Variants in NYAP2 observed in about 807,000 individuals in gnomAD.
NYAP2 encodes the protein neuronal tyrosine-phosphorylated phosphoinositide-3-kinase adapter 2.
NYAP2 carries 23 observed loss-of-function variants against 50.4 expected under a neutral mutation model. The ratio of observed to expected loss-of-function variants is 0.46; its 90% CI spans 0.33 to 0.65. The LOEUF is 0.65. Ranked by LOEUF, NYAP2 falls within the 30% of genes least tolerant of loss-of-function variation. The pLI is 0.02. For missense variants in NYAP2, 885 were observed against 861.0 expected (o/e 1.03, Z -0.35); for synonymous variants, 394 against 365.2 (o/e 1.08, Z -0.90).
chr2:225,640,066 A>T (rs1042631864), intron 6 of NYAP2, among the ~76,000 whole-genome samples: 14 of 152,136 alleles, frequency 9.2e-5, no homozygotes, highest in African/African-American at 2.9e-4. Flanking sequence ...CCATTTATGG[A>T]TTTTTAACCC....
chr2:225,513,705 T>A, intron 4 of NYAP2, 33 bp downstream of exon 4: 1 of 1,476,818 alleles, frequency 6.8e-7, no homozygotes. Context: ...CACCTAGAAA[T>A]CTCTTTCAGA....
intron 3 of NYAP2, among the ~76,000 whole-genome samples, chr2:225,430,538 A>G (rs1016254490): frequency 5.3e-5 from 8 of 152,172 alleles, no homozygotes; most frequent in Non-Finnish European, 8.8e-5. Context: ...ACACTGACAA[A>G]GTGCCTGCCA....
the NYAP2 span, among the ~76,000 whole-genome samples, chr2:225,689,544 C>G: frequency 6.6e-6 from 1 of 152,094 alleles, no homozygotes; most frequent in Non-Finnish European, 1.5e-5. Context: ...AAAAGCAACT[C>G]TGAAATCAAG....
chr2:225,667,004 A>G, the NYAP2 span, among the ~76,000 whole-genome samples: 1 of 152,130 alleles, frequency 6.6e-6, no homozygotes, highest in South Asian at 2.1e-4. Flanking sequence ...CACGGTATAT[A>G]GGGTTAAATA....
intron 4 of NYAP2, among the ~76,000 whole-genome samples, chr2:225,528,950 G>A (rs901049900): frequency 1.3e-5 from 2 of 152,168 alleles, no homozygotes; most frequent in Non-Finnish European, 2.9e-5. Flanking sequence ...CAGACGAAGT[G>A]GAGAAAGGGC....
intron 2 of NYAP2, among the ~76,000 whole-genome samples, chr2:225,407,940 A>G (rs1041823184): frequency 5.3e-5 from 8 of 151,970 alleles, no homozygotes; most frequent in African/African-American, 1.4e-4. Context: ...ATATTAGCTA[A>G]TAGTATTATA....
At chr2:225,675,998 TTTTG>T in the NYAP2 span, among the ~76,000 whole-genome samples, 1 of 151,714 alleles carries the variant, frequency 6.6e-6, no homozygotes, top group African/African-American at 2.4e-5. Context: ...GATTTTTTGC[TTTTG>T]TTTTTGTTTT....
chr2:225,504,337 G>T (rs1292302666), intron 3 of NYAP2, among the ~76,000 whole-genome samples: 1 of 152,012 alleles, frequency 6.6e-6, no homozygotes, highest in South Asian at 2.1e-4. Context: ...TCATTCTGAG[G>T]GTTTTGCCCC....
At chr2:225,513,406 G>A (rs1690867899) in exon 4 of NYAP2, 1 of 1,614,026 alleles carries the variant, frequency 6.2e-7, no homozygotes, top group Middle Eastern at 1.6e-4. Flanking sequence ...CACGAAGGAA[G>A]TTACGTGGGC....
At chr2:225,556,822 C>T (rs2106213222) in intron 4 of NYAP2, among the ~76,000 whole-genome samples, 1 of 152,250 alleles carries the variant, frequency 6.6e-6, no homozygotes, top group East Asian at 1.9e-4. Context: ...CATTGACCAG[C>T]TGTATTAGTG....
intron 4 of NYAP2, among the ~76,000 whole-genome samples, chr2:225,551,294 T>C (rs1272369161): frequency 2.0e-5 from 3 of 152,220 alleles, no homozygotes. Context: ...AGAGGCATGA[T>C]AAATACTTGC....
chr2:225,703,036 A>G, the NYAP2 span: 4 of 151,812 alleles, frequency 2.6e-5, no homozygotes, highest in Non-Finnish European at 5.9e-5. Flanking sequence ...TTTATAGTGT[A>G]GCAACTTGTG....
intron 3 of NYAP2, among the ~76,000 whole-genome samples, chr2:225,479,281 A>G (rs1229363624): frequency 1.3e-5 from 2 of 152,196 alleles, no homozygotes; most frequent in Non-Finnish European, 2.9e-5. Flanking sequence ...TATAATTTGC[A>G]TGAGAAATTC....
At chr2:225,466,864 G>C (rs899487924) in intron 3 of NYAP2, among the ~76,000 whole-genome samples, 8 of 152,172 alleles carry the variant, frequency 5.3e-5, no homozygotes, top group African/African-American at 1.9e-4. Flanking sequence ...TTCAGCTGAG[G>C]GGGGCATAAG....
At chr2:225,554,303 T>C (rs986681963) in intron 4 of NYAP2, among the ~76,000 whole-genome samples, 1 of 151,256 alleles carries the variant, frequency 6.6e-6, no homozygotes, top group African/African-American at 2.4e-5. Flanking sequence ...TATAAAACTG[T>C]CATCAGAAAA....
At chr2:225,462,793 T>C (rs112125840) in intron 3 of NYAP2, among the ~76,000 whole-genome samples, 34 of 146,806 alleles carry the variant, frequency 2.3e-4, no homozygotes, top group African/African-American at 8.9e-4. Flanking sequence ...AGTTGGTCCA[T>C]TAAAAAAACT....
chr2:225,443,576 C>G (rs1187724906), intron 3 of NYAP2, among the ~76,000 whole-genome samples: 1 of 151,756 alleles, frequency 6.6e-6, no homozygotes, highest in African/African-American at 2.4e-5. Flanking sequence ...ATGGTCCAGC[C>G]TGGGCAACAG....
intron 3 of NYAP2, among the ~76,000 whole-genome samples, chr2:225,486,388 A>T (rs1322095366): frequency 6.6e-6 from 1 of 152,160 alleles, no homozygotes. Flanking sequence ...GCCAGCTATT[A>T]GTGATTCTGT....
chr2:225,552,500 G>A (rs1012752281), intron 4 of NYAP2, among the ~76,000 whole-genome samples: 43 of 152,140 alleles, frequency 2.8e-4, no homozygotes, highest in African/African-American at 1.0e-3. Flanking sequence ...AGGCCATGAG[G>A]ATAGAGCTCT....
Sources: gnomAD v4.1 joint callset for allele counts (sites outside exome capture counted in the v4.1 genomes callset) on GRCh38, gnomAD v4.1.1 for gene constraint, MANE v1.5 for transcripts, NCBI Gene and HGNC (gene_info 2026-07-23, HGNC 2026-07-21) for gene names.